The following MARVELD2 variants were observed in gnomAD, a reference collection of about 807,000 sequenced individuals.
MARVELD2 encodes the protein MARVEL domain-containing protein 2.
MARVELD2 carries 49 observed loss-of-function variants against 57.6 expected under a neutral mutation model. The ratio of observed to expected loss-of-function variants is 0.85; its 90% CI spans 0.68 to 1.08. The LOEUF (loss-of-function observed/expected upper bound fraction) is 1.08. MARVELD2 is among the 50% of genes least tolerant of loss of function. MARVELD2 has a pLI of 0.00. For synonymous variants in MARVELD2, 238 were observed against 258.8 expected (o/e 0.92, Z 0.77); for missense variants, 606 against 701.1 (o/e 0.86, Z 1.53).
intron 2 of MARVELD2, among the ~76,000 whole-genome samples, chr5:69,423,774 G>C (rs1374855504): frequency 6.6e-6 from 1 of 152,148 alleles, no homozygotes; most frequent in Non-Finnish European, 1.5e-5. Flanking sequence ...TGCCTAGCTT[G>C]ATTGTCACAA....
At chr5:69,418,800 G>A (rs998888800) in intron 1 of MARVELD2, 1 of 152,762 alleles carries the variant, frequency 6.5e-6, no homozygotes, top group African/African-American at 2.4e-5. Context: ...AGATGTTTGA[G>A]GAAATGACTC....
At chr5:69,420,769 C>T (rs190585959) in intron 2 of MARVELD2, among the ~76,000 whole-genome samples, 25 of 151,708 alleles carry the variant, frequency 1.6e-4, no homozygotes, top group Admixed American at 1.2e-3. Flanking sequence ...CAAGTAGACA[C>T]CAGATGTGTA....
At chr5:69,425,096 G>C (rs1177093171) in intron 3 of MARVELD2, among the ~76,000 whole-genome samples, 2 of 151,118 alleles carry the variant, frequency 1.3e-5, no homozygotes, top group African/African-American at 4.9e-5. Flanking sequence ...CCTTTGTAGG[G>C]ACATGGATGA....
Position 69,419,584 on chromosome 5 carries a change from G to GC in MARVELD2, c.199_200insC (p.Glu67AlafsTer18), listed in dbSNP as rs1561289716. ...CCCAGACTTCTACTCAAGTGACACA[G>GC]AAGAACCAGCTATAGCGCCAGATCT... On this transcript the variant is annotated frameshift_variant, in exon 2 of 7. Coordinates refer to ENST00000325631, the MANE Select transcript of MARVELD2 (RefSeq NM_001038603.3). LOFTEE classifies it high-confidence loss of function. The GC allele has an allele frequency of 6.2e-7, 1 of 1,614,068 alleles. No individual in the cohort carries two copies. The highest frequency in any genetic ancestry group is 1.1e-5 in the South Asian group (1 of 91,058).
chr5:69,418,168 G>C (rs1348847550), intron 1 of MARVELD2, among the ~76,000 whole-genome samples: 1 of 152,090 alleles, frequency 6.6e-6, no homozygotes, highest in Admixed American at 6.6e-5. Flanking sequence ...TTAATTTTGA[G>C]ACCTTCATAG....
rs184649669 is a variant in MARVELD2, at chr5:69,422,783, A to G, written c.1147-1818A>G. Among the ~76,000 whole-genome samples the G allele has an allele frequency of 6.6e-5, 10 of 152,258 alleles. No individual in the cohort carries two copies. In the East Asian group the frequency reaches 1.9e-3, roughly 29 times the overall value. On this transcript the variant is annotated intron_variant, in intron 2 of 6. Coordinates refer to ENST00000325631, the MANE Select transcript of MARVELD2 (RefSeq NM_001038603.3). ...GTTTTACGGCTCGGGGGCATCACGG[A>G]ACCTGCCGACATGTGATGTCTCCCC...
chr5:69,423,684 G>T (rs902713630), intron 2 of MARVELD2, among the ~76,000 whole-genome samples: 2 of 151,730 alleles, frequency 1.3e-5, no homozygotes, highest in East Asian at 3.9e-4. Flanking sequence ...TGTTGCTCAG[G>T]CTGGTCTCAA....
At chr5:69,418,962 G>T in intron 1 of MARVELD2, 1 of 169,922 alleles carries the variant, frequency 5.9e-6, no homozygotes, top group Non-Finnish European at 1.2e-5. Context: ...GAGACTCACT[G>T]TGTCAGCCAG....
intron 5 of MARVELD2, 73 bp from the exon 6 acceptor site, chr5:69,440,377 C>G: frequency 4.0e-6 from 3 of 749,584 alleles, no homozygotes; most frequent in Non-Finnish European, 7.0e-6. Flanking sequence ...TGTTCTAATT[C>G]TCAGTGTGCT....
intron 3 of MARVELD2, among the ~76,000 whole-genome samples, chr5:69,431,651 G>A (rs1218142640): frequency 6.6e-6 from 1 of 151,832 alleles, no homozygotes; most frequent in African/African-American, 2.4e-5. Flanking sequence ...TACACGATTG[G>A]GGCTGGAGTG....
At position 69,420,109 on chromosome 5, in the gene MARVELD2, A is replaced by G. The variant is rs775623008; in HGVS notation, c.724A>G (p.Met242Val). 1.9e-6 allele frequency: 3 copies of G among 1,614,106 alleles called. No homozygotes were observed. Among genetic ancestry groups the G allele is most frequent in the Admixed American group, 1.7e-5 (1 of 60,008 alleles). The change falls in exon 2 of 7, where the codon ATG (methionine) becomes GTG (valine). Residue 242 changes from methionine (M) to valine (V), a missense_variant. By Grantham distance (21) the Met-to-Val change is conservative (BLOSUM62 1). Coordinates refer to ENST00000325631, the MANE Select transcript of MARVELD2 (RefSeq NM_001038603.3). ...GGGAGGCGTTGGTGGATTGGGCAGT[A>G]TGTATGGGGGCTATTACTACACTGG... is the stretch of plus-strand genomic sequence containing the variant. ...GMGGVGGLGSMYGGYYYTGPK... is the reference protein window; with the variant it reads ...GMGGVGGLGSVYGGYYYTGPK...
At chr5:69,432,260 C>T (rs1292199849) in intron 3 of MARVELD2, among the ~76,000 whole-genome samples, 1 of 152,068 alleles carries the variant, frequency 6.6e-6, no homozygotes. Context: ...GTCAGCCCAC[C>T]TCGGTTTCCC....
intron 5 of MARVELD2, 123 bp from the exon 6 acceptor site, chr5:69,440,327 G>C (rs1353530410): frequency 1.7e-6 from 1 of 587,742 alleles, no homozygotes; most frequent in Non-Finnish European, 3.1e-6. Flanking sequence ...ATTTTTGTGT[G>C]TGAATGTTTT....
At chr5:69,433,815 G>A (rs1767050843) in intron 5 of MARVELD2, 1 of 152,176 alleles carries the variant, frequency 6.6e-6, no homozygotes, top group African/African-American at 2.4e-5. Context: ...TCTGTGTCTA[G>A]GAAAGCATTT....
rs1310676434 is a variant in MARVELD2, at chr5:69,419,816, T to A, written c.431T>A (p.Phe144Tyr). 1 of 1,614,130 alleles carries A rather than the reference T, an allele frequency of 6.2e-7. No individual in the cohort carries two copies. Among genetic ancestry groups the A allele is most frequent in the South Asian group, 1.1e-5 (1 of 91,078 alleles). Residue 144 changes from phenylalanine (F) to tyrosine (Y), a missense_variant, in exon 2 of 7, where the codon TTT (phenylalanine) becomes TAT (tyrosine). Physicochemically the swap from Phe to Tyr is conservative, Grantham distance 22. Transcript: ENST00000325631. ...KDPYGGSEGTFSSRKEADAVF... is the reference protein window; with the variant it reads ...KDPYGGSEGTYSSRKEADAVF... ...CCCTACGGAGGGTCAGAAGGAACCT[T>A]TAGTTCCCGGAAAGAGGCTGACGCA... is the stretch of plus-strand genomic sequence containing the variant.
intron 2 of MARVELD2, among the ~76,000 whole-genome samples, chr5:69,420,954 C>T (rs925488584): frequency 6.6e-6 from 1 of 152,086 alleles, no homozygotes; most frequent in African/African-American, 2.4e-5. Context: ...TTAAATGTTA[C>T]AATTTACTTT....
chr5:69,420,122 A>T lies in MARVELD2; in HGVS notation c.737A>T (p.Tyr246Phe). 6.2e-7 allele frequency: 1 copy of T among 1,614,104 alleles called. No individual in the cohort carries two copies. The highest frequency in any genetic ancestry group is 8.5e-7 in the Non-Finnish European group (1 of 1,180,010). ...VGGLGSMYGGYYYTGPKTPFV... is the reference protein window; with the variant it reads ...VGGLGSMYGGFYYTGPKTPFV... ...GGATTGGGCAGTATGTATGGGGGCT[A>T]TTACTACACTGGCCCTAAGACCCCT... Residue 246 changes from tyrosine (Y) to phenylalanine (F), a missense_variant, in exon 2 of 7, where the codon TAT (tyrosine) becomes TTT (phenylalanine). Coordinates refer to ENST00000325631, the MANE Select transcript of MARVELD2 (RefSeq NM_001038603.3).
chr5:69,415,640 C>T (rs1766382105), intron 1 of MARVELD2: 1 of 152,252 alleles, frequency 6.6e-6, no homozygotes, highest in Non-Finnish European at 1.5e-5. Flanking sequence ...TTAGTTAGAA[C>T]CGCAGAGCCT....
chr5:69,426,487 A>G (rs969840045), intron 3 of MARVELD2, among the ~76,000 whole-genome samples: 1 of 151,788 alleles, frequency 6.6e-6, no homozygotes, highest in Non-Finnish European at 1.5e-5. Flanking sequence ...GGCGCCCGCC[A>G]CCACACCCAG....
Sources: allele counts gnomAD v4.1 joint callset (sites outside exome capture counted in the v4.1 genomes callset), GRCh38; gene constraint gnomAD v4.1.1; transcripts MANE v1.5; gene names NCBI Gene and HGNC (gene_info 2026-07-23, HGNC 2026-07-21).